SH3BP5L: variants seen among roughly 807,000 people sequenced by gnomAD.
SH3BP5L encodes the protein SH3 binding domain protein 5 like, also known as SH3 domain-binding protein 5-like.
A neutral mutation model predicts 40.9 loss-of-function variants in SH3BP5L; 16 were observed. The observed-to-expected ratio is 0.39, with a 90% CI of 0.27 to 0.59. SH3BP5L has a LOEUF of 0.59. SH3BP5L is among the 20% of genes least tolerant of loss of function. The probability of loss-of-function intolerance (pLI) is 0.53; values close to 1 mark genes in which losing one functional copy is unlikely to be tolerated. For synonymous variants in SH3BP5L, 229 were observed against 226.7 expected (o/e 1.01, Z -0.09); for missense variants, 471 against 544.6 (o/e 0.86, Z 1.35).
intron 5 of SH3BP5L, chr1:248,814,191 T>C (rs1317865064): frequency 1.9e-6 from 1 of 531,686 alleles, no homozygotes; most frequent in Non-Finnish European, 3.4e-6. Flanking sequence ...CAGGGATGAA[T>C]TGTTTGGGTT....
intron 1 of SH3BP5L, 157 bp downstream of exon 1, chr1:248,825,678 G>A (rs1327681839): frequency 5.3e-6 from 1 of 188,246 alleles, no homozygotes; most frequent in East Asian, 1.9e-4. Flanking sequence ...CCGGCTTTGC[G>A]ATTCACCTTG....
chr1:248,817,873 A>C (rs748860347), intron 2 of SH3BP5L, among the ~76,000 whole-genome samples: 8 of 152,252 alleles, frequency 5.3e-5, no homozygotes, highest in Non-Finnish European at 1.2e-4. Context: ...AGTGCCAGTG[A>C]AGAACAAAGG....
intron 2 of SH3BP5L, among the ~76,000 whole-genome samples, chr1:248,818,543 G>A (rs1438631644): frequency 2.0e-5 from 3 of 152,186 alleles, no homozygotes; most frequent in Admixed American, 6.5e-5. Flanking sequence ...GACCATGACC[G>A]CAGGTCCCTA....
At position 248,813,255 on chromosome 1, in the gene SH3BP5L, A is replaced by G. The variant is rs1664006391; in HGVS notation, c.538-93T>C. ...CAATCTGAACAACGCCCTGGGGGGA[A>G]CCCAAACAGGAACATCCTCTGCAAA... On this transcript the variant is annotated intron_variant, in intron 5 of 6. Transcript: ENST00000366472. 3.0e-6 allele frequency: 4 copies of G among 1,343,016 alleles called. No individual in the cohort carries two copies. In the South Asian group the frequency reaches 4.8e-5, roughly 16 times the overall value. The allele number at this position is 1,343,016 out of a possible 1,614,324, so 83.2% of individuals were successfully genotyped here.
rs769815238 is a variant in SH3BP5L at position 248,811,918 on chromosome 1, C to A, written c.1164G>T (p.Gln388His). 2.6e-6 allele frequency: 4 copies of A among 1,539,106 alleles called. No homozygotes were observed. The highest frequency in any genetic ancestry group is 4.0e-5 in the Admixed American group (2 of 50,186). ...CCCTCGGCTACAGGCTGACGCTGCG[C>A]TGGTGCCGACCCCCACGGGCTCCGC... The part of the protein sequence containing the change: ...SDGGARGGRH[Q>H]RSVSL The change falls in exon 7 of 7, where the codon CAG (glutamine) becomes CAT (histidine). Residue 388 changes from glutamine (Q) to histidine (H), a missense_variant. Coordinates refer to ENST00000366472, the MANE Select transcript of SH3BP5L (RefSeq NM_030645.3).
In SH3BP5L at chr1:248,816,644, G is replaced by A. The variant is rs1275225453; in HGVS notation, c.265C>T (p.Arg89Trp). The stretch of plus-strand genomic sequence containing the variant: ...CTCGCCGACTCCTGTAGGATCCTCC[G>A]ATAGGTGGTCCTGGCCTCCTGGAAA... ...LQLDEARTTYRRILQESARKL... is the reference protein window; with the variant it reads ...LQLDEARTTYWRILQESARKL... The change falls in exon 4 of 7, where the codon CGG (arginine) becomes TGG (tryptophan). Residue 89 changes from arginine to tryptophan, a missense_variant. By Grantham distance (101) the Arg-to-Trp change is moderately radical. Coordinates refer to ENST00000366472, the MANE Select transcript of SH3BP5L (RefSeq NM_030645.3). 1.9e-6 allele frequency: 3 copies of A among 1,613,988 alleles called. No homozygotes were observed. Among genetic ancestry groups the A allele is most frequent in the African/African-American group, 1.3e-5 (1 of 74,908 alleles).
intron 4 of SH3BP5L, 33 bp downstream of exon 4, chr1:248,816,501 T>G (rs369206045): frequency 6.2e-7 from 1 of 1,613,040 alleles, no homozygotes; most frequent in East Asian, 2.2e-5. Flanking sequence ...GCTCAGCACG[T>G]AGCCTTCCTC....
chr1:248,814,551 G>A lies in SH3BP5L; in HGVS notation c.435C>T (p.Asn145=), dbSNP rs145921962. 1.1e-4 allele frequency: 182 copies of A among 1,614,086 alleles called. No individual in the cohort carries two copies. Among genetic ancestry groups the A allele is most frequent in the Admixed American group, 2.0e-4 (12 of 60,006 alleles). Residue 145 remains asparagine (N), a synonymous_variant, in exon 5 of 7, where the codon AAC becomes AAT. Transcript: ENST00000366472. The stretch of plus-strand genomic sequence containing the variant: ...CCACAAACACCATTTCTCGAGCAGC[G>A]TTGTGCATGCTTACGGCCCGCTCGT... ...LRYERAVSMH[N]AAREMVFVAE...
Position 248,824,862 on chromosome 1 carries a change from T to G in SH3BP5L, c.74A>C (p.Asp25Ala). Residue 25 changes from aspartate to alanine, a missense_variant, in exon 2 of 7, where the codon GAT becomes GCT. Around this residue, in one of 2 missense-constraint regions of SH3BP5L, gnomAD observed 275 missense variants for 370.1 expected, o/e 0.74. Transcript: ENST00000366472. The stretch of plus-strand genomic sequence containing the variant: ...TGCGACTGGGCTCCTAGGGACTTCA[T>G]CCTCTACAACTTCAGGCCGCAGCTC... ...QGELRPEVVE[D>A]EVPRSPVAEE... 1 of 1,614,134 alleles carries G rather than the reference T, an allele frequency of 6.2e-7. No individual in the cohort carries two copies.
Position 248,814,458 on chromosome 1 carries a change from A to G in SH3BP5L, c.528T>C (p.Ala176=), listed in dbSNP as rs747091199. Residue 176 remains alanine, a synonymous_variant, in exon 5 of 7, where the codon GCT becomes GCC. Transcript: ENST00000366472. ...DPTWQEMLNH[A]TCKVNEAEEE... is the part of the protein sequence containing the mutation. ...GCACCGCCCGGCTCACCTTGCAGGT[A>G]GCATGGTTCAGCATCTCCTGCCACG... is the stretch of plus-strand genomic sequence containing the variant. 3 of 1,614,092 alleles carry G rather than the reference A, an allele frequency of 1.9e-6. No homozygotes were observed. The highest frequency in any genetic ancestry group is 2.5e-6 in the Non-Finnish European group (3 of 1,180,024).
At chr1:248,822,307 C>T (rs993708765) in intron 2 of SH3BP5L, among the ~76,000 whole-genome samples, 9 of 152,324 alleles carry the variant, frequency 5.9e-5, no homozygotes, top group African/African-American at 1.9e-4. Context: ...CGGCCTCCTC[C>T]GTGAAGGGTG....
chr1:248,812,448 G>A lies in SH3BP5L; in HGVS notation c.712-78C>T, dbSNP rs1473774386. 2.7e-6 allele frequency: 3 copies of A among 1,131,912 alleles called. No homozygotes were observed. The East Asian group carries it at 7.5e-5, about 28-fold the overall frequency. 70.1% of individuals were successfully genotyped at this position (1,131,912 alleles called of 1,614,324 possible). On this transcript the variant is annotated intron_variant, in intron 6 of 6. Transcript: ENST00000366472. This position sits in a 1 kb window ranked among gnomAD's most constrained non-coding sequence, Gnocchi z 6.1. Reference sequence around the variant, plus strand: ...CTCAGCACTCTGCACTGAGGTCTGAGGGCCTGCTCTCCCAGAATACCTGGA... The same window carrying A: ...CTCAGCACTCTGCACTGAGGTCTGAAGGCCTGCTCTCCCAGAATACCTGGA...
At chr1:248,813,634 A>G (rs2103012768) in intron 5 of SH3BP5L, 1 of 155,658 alleles carries the variant, frequency 6.4e-6, no homozygotes. Flanking sequence ...GGGGAGCCAC[A>G]GCTGTGCGCT....
rs1278554916 is a variant in SH3BP5L, at chr1:248,821,444, C to T, written c.183+3309G>A. ...TGCTCCCACCCCACCTAGTGCAGAC[C>T]ATCAAAAGACTCAAACTAATGGTAA... On this transcript the variant is annotated intron_variant, in intron 2 of 6. Transcript: ENST00000366472. This position sits in a 1 kb window ranked among gnomAD's most constrained non-coding sequence, Gnocchi z 4.6. 1.3e-5 allele frequency among the ~76,000 whole-genome samples: 2 copies of T among 152,088 alleles called. No homozygotes were observed. The highest frequency in any genetic ancestry group is 2.4e-5 in the African/African-American group (1 of 41,414).
At position 248,812,213 on chromosome 1, in the gene SH3BP5L, G is replaced by C; in HGVS notation, c.869C>G (p.Ser290Cys). ...GGGTCCTGCCTCGGCCCCCACGGGG[G>C]AGGAGCGCCGAGGGCCCAGGGGGTG... ...PPHPLGPRRS[S>C]PVGAEAGPED... The change falls in exon 7 of 7, where the codon TCC (serine) becomes TGC (cysteine). Residue 290 changes from serine (S) to cysteine (C), a missense_variant. By Grantham distance (112) the Ser-to-Cys change is moderately radical (BLOSUM62 -1). Coordinates refer to ENST00000366472, the MANE Select transcript of SH3BP5L (RefSeq NM_030645.3). The surrounding 1 kb of genome is among the most constrained non-coding windows in gnomAD (Gnocchi z 6.1). 1.2e-6 allele frequency: 2 copies of C among 1,604,616 alleles called. No homozygotes were observed. Among genetic ancestry groups the C allele is most frequent in the Non-Finnish European group, 1.7e-6 (2 of 1,176,714 alleles).
intron 2 of SH3BP5L, among the ~76,000 whole-genome samples, chr1:248,823,639 G>C (rs1051159967): frequency 2.7e-5 from 4 of 149,344 alleles, no homozygotes; most frequent in African/African-American, 1.0e-4. Flanking sequence ...CACAGTAGAA[G>C]AGGAACCCAC....
Position 248,812,207 on chromosome 1 carries a change from A to G in SH3BP5L, c.875T>C (p.Val292Ala), listed in dbSNP as rs1385473357. The change falls in exon 7 of 7, where the codon GTG becomes GCG. Residue 292 changes from valine to alanine, a missense_variant. Physicochemically the swap from Val to Ala is moderately conservative, Grantham distance 64 (BLOSUM62 0). This residue lies in a region of SH3BP5L where 196 missense variants were observed against 174.6 expected (regional missense o/e 1.12). Coordinates refer to ENST00000366472, the MANE Select transcript of SH3BP5L (RefSeq NM_030645.3). The surrounding 1 kb of genome is among the most constrained non-coding windows in gnomAD (Gnocchi z 6.1). ...GTCCTCGGGTCCTGCCTCGGCCCCC[A>G]CGGGGGAGGAGCGCCGAGGGCCCAG... ...HPLGPRRSSP[V>A]GAEAGPEDME... 1.2e-6 allele frequency: 2 copies of G among 1,604,052 alleles called. No individual in the cohort carries two copies. The highest frequency in any genetic ancestry group is 8.5e-7 in the Non-Finnish European group (1 of 1,176,372).
At chr1:248,816,402 C>T (rs911137424) in intron 4 of SH3BP5L, 132 bp downstream of exon 4, 30 of 1,192,438 alleles carry the variant, frequency 2.5e-5, no homozygotes, top group African/African-American at 2.0e-4. Context: ...GAGCTGGTTC[C>T]GACCAGCCAG....
In SH3BP5L at chr1:248,825,150, C is replaced by G. The variant is rs1035720084; in HGVS notation, c.-215G>C. On this transcript the variant is annotated 5_prime_UTR_variant, in exon 2 of 7. Coordinates refer to ENST00000366472, the MANE Select transcript of SH3BP5L (RefSeq NM_030645.3). ...TCCTAGAGCTGAAGCCTTGTCTGTG[C>G]AAAAGTTCTTCCCTTCCCGCCACAG... is the stretch of plus-strand genomic sequence containing the variant. 1.5e-6 allele frequency: 2 copies of G among 1,339,156 alleles called. No individual in the cohort carries two copies. Among genetic ancestry groups the G allele is most frequent in the African/African-American group, 3.0e-5 (2 of 67,120 alleles). The allele number at this position is 1,339,156 out of a possible 1,614,324, so 83.0% of individuals were successfully genotyped here. A position where few individuals can be genotyped will look rare whatever the true frequency, so the allele number is the denominator to read the frequency against.
Sources: gnomAD v4.1 joint callset for allele counts (sites outside exome capture counted in the v4.1 genomes callset) on GRCh38, gnomAD v4.1.1 for gene constraint, gnomAD v4.1.1 regional missense constraint, Gnocchi (gnomAD v3.1) non-coding constraint, MANE v1.5 for transcripts, NCBI Gene and HGNC (gene_info 2026-07-23, HGNC 2026-07-21) for gene names.